The following ZPLD1 variants were observed in gnomAD, a reference collection of about 807,000 sequenced individuals.
ZPLD1 encodes the protein zona pellucida like domain containing 1.
Under a neutral mutation model 47.2 loss-of-function variants are expected in ZPLD1, and 34 were observed. That is an observed-to-expected ratio of 0.72 (90% CI 0.55 to 0.96). The LOEUF (loss-of-function observed/expected upper bound fraction) is 0.96, where lower values mean the gene tolerates loss of function less well. Ranked by LOEUF, ZPLD1 falls within the 40% of genes least tolerant of loss-of-function variation. The pLI is 0.00. For synonymous variants in ZPLD1, 176 were observed against 186.2 expected (o/e 0.95, Z 0.45); for missense variants, 512 against 505.8 (o/e 1.01, Z -0.12).
At chr3:102,409,970 A>G (rs1297147107) in intron 7 of ZPLD1, among the ~76,000 whole-genome samples, 1 of 151,788 alleles carries the variant, frequency 6.6e-6, no homozygotes, top group African/African-American at 2.4e-5. Context: ...AAGGCTAACA[A>G]CATTGATTAG....
intron 7 of ZPLD1, among the ~76,000 whole-genome samples, chr3:102,417,514 A>T (rs1370156913): frequency 6.6e-6 from 1 of 151,864 alleles, no homozygotes; most frequent in Admixed American, 6.6e-5. Context: ...GCCCCTAAAC[A>T]AAAGCCGAGG....
At chr3:102,399,706 T>A (rs1341932833) in intron 7 of ZPLD1, among the ~76,000 whole-genome samples, 1 of 152,126 alleles carries the variant, frequency 6.6e-6, no homozygotes, top group East Asian at 1.9e-4. Context: ...ATTAATATAC[T>A]CGAGGGAAAT....
At chr3:102,429,072 A>G (rs1340327375) in intron 8 of ZPLD1, among the ~76,000 whole-genome samples, 2 of 152,158 alleles carry the variant, frequency 1.3e-5, no homozygotes, top group Non-Finnish European at 2.9e-5. Flanking sequence ...GGCTGGGACT[A>G]TGGCTAGATT....
At chr3:102,406,906 A>G (rs1286500766) in intron 7 of ZPLD1, among the ~76,000 whole-genome samples, 1 of 151,872 alleles carries the variant, frequency 6.6e-6, no homozygotes, top group Non-Finnish European at 1.5e-5. Flanking sequence ...GCTTGAACAT[A>G]TCGTGCAAAT....
At chr3:102,453,819 T>C (rs772983823) in intron 4 of ZPLD1, among the ~76,000 whole-genome samples, 2 of 152,226 alleles carry the variant, frequency 1.3e-5, no homozygotes, top group Non-Finnish European at 2.9e-5. Context: ...TTCATTTGTT[T>C]ACTAATGCAT....
intron 3 of ZPLD1, among the ~76,000 whole-genome samples, chr3:102,452,276 A>T (rs1179572730): frequency 2.1e-5 from 3 of 145,236 alleles, no homozygotes; most frequent in Non-Finnish European, 3.0e-5. Context: ...TTTTTTACTG[A>T]GGCATGCATA....
At chr3:102,474,313 C>A (rs1707726605) in intron 10 of ZPLD1, among the ~76,000 whole-genome samples, 1 of 152,100 alleles carries the variant, frequency 6.6e-6, no homozygotes, top group Non-Finnish European at 1.5e-5. Flanking sequence ...TACTTAAATT[C>A]CTGTGGAGAA....
chr3:102,424,074 T>C (rs1389763394), intron 8 of ZPLD1, among the ~76,000 whole-genome samples: 1 of 152,184 alleles, frequency 6.6e-6, no homozygotes, highest in Non-Finnish European at 1.5e-5. Flanking sequence ...AGTCATTAAT[T>C]ACTGCTCTAT....
chr3:102,387,426 T>A (rs568388314), intron 6 of ZPLD1, among the ~76,000 whole-genome samples: 1 of 152,304 alleles, frequency 6.6e-6, no homozygotes, highest in South Asian at 2.1e-4. Flanking sequence ...TTTCTTCACC[T>A]CTTTTGTATT....
intron 8 of ZPLD1, among the ~76,000 whole-genome samples, chr3:102,418,668 T>G (rs549216696): frequency 1.3e-5 from 2 of 152,092 alleles, no homozygotes; most frequent in East Asian, 3.9e-4. Context: ...AAGCAAACAG[T>G]GTATATTTTA....
chr3:102,398,531 C>T (rs991003596), intron 7 of ZPLD1, among the ~76,000 whole-genome samples: 2 of 152,082 alleles, frequency 1.3e-5, no homozygotes, highest in African/African-American at 2.4e-5. Context: ...CCTTTATATA[C>T]TACCTCCAGA....
intron 8 of ZPLD1, among the ~76,000 whole-genome samples, chr3:102,426,887 A>T (rs774217382): frequency 6.6e-6 from 1 of 152,160 alleles, no homozygotes; most frequent in Non-Finnish European, 1.5e-5. Context: ...ATTTCAGGAG[A>T]TGTTTTTAGT....
chr3:102,435,844 G>A (rs1294533717), intron 1 of ZPLD1, among the ~76,000 whole-genome samples: 1 of 151,860 alleles, frequency 6.6e-6, no homozygotes, highest in Non-Finnish European at 1.5e-5. Context: ...GTGTTTCACC[G>A]TATTAGCCAG....
Position 102,462,348 on chromosome 3 carries a change from CA to C in ZPLD1, c.651del (p.Ala218LeufsTer14). ...IGLPLKTKVF[A>X]AVQATNLDGR... ...TTACCTTTGAAAACCAAAGTATTTG[CA>C]GCTGTCCAAGCCACTAATTTGGATG... On this transcript the variant is annotated frameshift_variant, in exon 7 of 12. Coordinates refer to ENST00000466937, the MANE Select transcript of ZPLD1 (RefSeq NM_001329788.2). LOFTEE classifies it high-confidence loss of function. 6.2e-7 allele frequency: 1 copy of C among 1,611,054 alleles called. No individual in the cohort carries two copies. Among genetic ancestry groups the C allele is most frequent in the Non-Finnish European group, 8.5e-7 (1 of 1,178,574 alleles).
At chr3:102,459,089 CAAAAAAAAA>C (rs767071660) in intron 6 of ZPLD1, among the ~76,000 whole-genome samples, 9 of 25,838 alleles carry the variant, frequency 3.5e-4, no homozygotes, top group African/African-American at 1.0e-3. Flanking sequence ...GACTCCGTCT[CAAAAAAAAA>C]AAAAAAAAAA....
At position 102,479,119 on chromosome 3, in the gene ZPLD1, A is replaced by G. The variant is rs1707802152; in HGVS notation, c.*1501A>G. On this transcript the variant is annotated 3_prime_UTR_variant, in exon 12 of 12. Transcript: ENST00000466937. ...TTATAATAATTAGCTATATAATTGC[A>G]TCAACTTTTTATTTCAAGGTATAGT... 1 of 152,210 alleles carries G rather than the reference A, an allele frequency of 6.6e-6. No homozygotes were observed. 9.4% of individuals were successfully genotyped at this position (152,210 alleles called of 1,614,324 possible).
intron 3 of ZPLD1, among the ~76,000 whole-genome samples, chr3:102,442,319 AACACACACACACAC>A (rs34634788): frequency 9.4e-4 from 132 of 139,948 alleles, no homozygotes; most frequent in African/African-American, 2.9e-3. Context: ...TACACCCATA[AACACACACACACAC>A]ACACACACAC....
At chr3:102,466,114 A>G (rs2107350382) in intron 8 of ZPLD1, among the ~76,000 whole-genome samples, 1 of 152,334 alleles carries the variant, frequency 6.6e-6, no homozygotes, top group East Asian at 1.9e-4. Context: ...ATCGCCTGGG[A>G]AGGCAGGGGC....
At chr3:102,472,261 G>C (rs903486277) in intron 10 of ZPLD1, among the ~76,000 whole-genome samples, 1 of 152,054 alleles carries the variant, frequency 6.6e-6, no homozygotes, top group African/African-American at 2.4e-5. Context: ...GCTGGGCGCG[G>C]TGGCTCACGC....
Sources: allele counts gnomAD v4.1 joint callset (sites outside exome capture counted in the v4.1 genomes callset), GRCh38; gene constraint gnomAD v4.1.1; transcripts MANE v1.5; gene names NCBI Gene and HGNC (gene_info 2026-07-23, HGNC 2026-07-21).